Variants in CHEK1 observed in about 807,000 individuals in gnomAD.
The protein encoded by CHEK1 is serine/threonine-protein kinase Chk1.
In CHEK1, 32 loss-of-function variants were observed where a neutral mutation model predicts 60.2. The ratio of observed to expected loss-of-function variants is 0.53; its 90% confidence interval spans 0.40 to 0.71. The LOEUF (loss-of-function observed/expected upper bound fraction) is 0.71, where lower values mean the gene tolerates loss of function less well. Among genes scored for constraint, CHEK1 ranks in the 30% least tolerant of loss-of-function variants. The probability of loss-of-function intolerance (pLI) is 0.00; values close to 1 mark genes in which losing one functional copy is unlikely to be tolerated. For missense variants in CHEK1, 399 were observed against 564.6 expected (o/e 0.71, Z 2.97); for synonymous variants, 179 against 187.2 (o/e 0.96, Z 0.36).
Position 125,656,232 on chromosome 11 carries a change from T to C in CHEK1, c.*912T>C. The C allele has an allele frequency of 4.7e-6, 1 of 214,802 alleles. No individual in the cohort carries two copies. The highest frequency in any genetic ancestry group is 6.9e-5 in the East Asian group (1 of 14,432). The allele number at this position is 214,802 out of a possible 1,614,324, so 13.3% of individuals were successfully genotyped here. On this transcript the variant is annotated 3_prime_UTR_variant, in exon 13 of 13. Coordinates refer to ENST00000438015, the MANE Select transcript of CHEK1 (RefSeq NM_001114122.3). ...TTGAGGCCTTGGCTCCTGCCTGTAG[T>C]CCCAGCTACTTAGGAGGCTGAGAGA...
At chr11:125,651,668 A>G (rs968370290) in intron 11 of CHEK1, among the ~76,000 whole-genome samples, 1 of 152,054 alleles carries the variant, frequency 6.6e-6, no homozygotes, top group African/African-American at 2.4e-5. Context: ...TTCTGCTCCC[A>G]CCTGGACCTA....
At chr11:125,629,337 G>A (rs745970536) in intron 4 of CHEK1, 41 bp downstream of exon 4, 1 of 1,612,762 alleles carries the variant, frequency 6.2e-7, no homozygotes, top group East Asian at 2.2e-5. Context: ...TAAAATTAGA[G>A]TGAATACATT....
At chr11:125,640,913 G>C (rs924718276) in intron 8 of CHEK1, among the ~76,000 whole-genome samples, 3 of 152,082 alleles carry the variant, frequency 2.0e-5, no homozygotes, top group African/African-American at 7.2e-5. Context: ...ATAGGCATGA[G>C]CCACAATGCC....
chr11:125,677,866 C>G, downstream of CHEK1: 2 of 1,614,020 alleles, frequency 1.2e-6, no homozygotes, highest in Non-Finnish European at 1.7e-6. Flanking sequence ...GAAGGCTGTT[C>G]ACCCGAGGCC....
chr11:125,680,935 C>G, downstream of CHEK1: 1 of 641,972 alleles, frequency 1.6e-6, no homozygotes, highest in East Asian at 2.8e-5. Context: ...ATGGGTTGGG[C>G]TCTGAGGTTC....
At position 125,666,082 on chromosome 11, in the gene CHEK1, G is replaced by A. The variant is rs554362586; in HGVS notation, c.*28-9846G>A. Among the ~76,000 whole-genome samples the A allele has an allele frequency of 2.0e-3, 299 of 150,524 alleles. 1 individual carries two copies. Among genetic ancestry groups the A allele is most frequent in the African/African-American group, 7.0e-3 (288 of 41,118 alleles). On this transcript the variant is annotated intron_variant, in intron 13 of 13. Coordinates refer to the CHEK1 transcript ENST00000428830. ...GTTCTTTGTTTTAGTTCCTTGAGGTGCATTTTTAGGTTGTTTATTTTTTTT... is the reference window on the plus strand; with the variant it reads ...GTTCTTTGTTTTAGTTCCTTGAGGTACATTTTTAGGTTGTTTATTTTTTTT...
At position 125,656,052 on chromosome 11, in the gene CHEK1, T is replaced by C. The variant is rs1941894562; in HGVS notation, c.*732T>C. ...TATTTTAACCTTTTCAACTTACTGG[T>C]GACCAAGCTTTTAGGTGATAAAGAA... On this transcript the variant is annotated 3_prime_UTR_variant, in exon 13 of 13. Transcript: ENST00000438015. 1 of 212,430 alleles carries C rather than the reference T, an allele frequency of 4.7e-6. No homozygotes were observed. The highest frequency in any genetic ancestry group is 9.5e-6 in the Non-Finnish European group (1 of 105,086). 13.2% of individuals were successfully genotyped at this position (212,430 alleles called of 1,614,324 possible).
chr11:125,668,193 T>C (rs1384674592), intron 13 of CHEK1, among the ~76,000 whole-genome samples: 2 of 152,208 alleles, frequency 1.3e-5, no homozygotes, highest in Non-Finnish European at 2.9e-5. Flanking sequence ...AAAAAAAAGT[T>C]TTTCCCCTTG....
chr11:125,680,111 C>T (rs1238898999), downstream of CHEK1, among the ~76,000 whole-genome samples: 5 of 152,166 alleles, frequency 3.3e-5, no homozygotes, highest in Non-Finnish European at 7.3e-5. Context: ...AAAAGCAAAA[C>T]CTCTGACAGT....
intron 13 of CHEK1, among the ~76,000 whole-genome samples, chr11:125,663,083 A>G (rs767386019): frequency 6.6e-6 from 1 of 151,934 alleles, no homozygotes; most frequent in Non-Finnish European, 1.5e-5. Context: ...GAGTTTTTAA[A>G]GCTACTTATG....
chr11:125,661,824 C>T (rs1486778120), downstream of CHEK1, among the ~76,000 whole-genome samples: 1 of 151,962 alleles, frequency 6.6e-6, no homozygotes, highest in Non-Finnish European at 1.5e-5. Flanking sequence ...ATATGTGTTT[C>T]TATGTGAATA....
At chr11:125,678,095 A>C (rs1942613593), downstream of CHEK1, 1 of 1,614,090 alleles carries the variant, frequency 6.2e-7, no homozygotes, top group Non-Finnish European at 8.5e-7. Context: ...CATGTTCTCC[A>C]GAAGTGTGCT....
chr11:125,680,716 A>T, downstream of CHEK1: 1 of 1,612,204 alleles, frequency 6.2e-7, no homozygotes, highest in Non-Finnish European at 8.5e-7. Flanking sequence ...TGAAGCCTAG[A>T]TCAAACACTC....
At chr11:125,670,234 C>T (rs1241052890) in intron 13 of CHEK1, among the ~76,000 whole-genome samples, 2 of 152,036 alleles carry the variant, frequency 1.3e-5, no homozygotes, top group Non-Finnish European at 1.5e-5. Context: ...TCTGTTTATT[C>T]GTATGGCACT....
chr11:125,676,521 A>C, downstream of CHEK1: 2 of 1,612,194 alleles, frequency 1.2e-6, no homozygotes, highest in Non-Finnish European at 1.7e-6. Flanking sequence ...CTTGTGGACC[A>C]GATGTGTAGC....
Position 125,626,028 on chromosome 11 carries a change from C to T in CHEK1, c.-21+16C>T, listed in dbSNP as rs940673896. The T allele has an allele frequency of 3.7e-5, 26 of 695,452 alleles. No homozygotes were observed. The Admixed American group carries it at 4.8e-4, about 13-fold the overall frequency. 43.1% of individuals were successfully genotyped at this position (695,452 alleles called of 1,614,324 possible). A position where few individuals can be genotyped will look rare whatever the true frequency, so the allele number is the denominator to read the frequency against. On this transcript the variant is annotated intron_variant, in intron 1 of 12. Transcript: ENST00000438015. ...GGACAGTCCGGTGAGGAAGGGCGGC[C>T]GGTAGAGTAGGGAAGGTTTCTAAAG...
intron 13 of CHEK1, among the ~76,000 whole-genome samples, chr11:125,674,274 TTA>T (rs1942373020): frequency 6.6e-6 from 1 of 152,236 alleles, no homozygotes; most frequent in Admixed American, 6.5e-5. Flanking sequence ...AAAAACCATG[TTA>T]TATGCTATGC....
Position 125,626,642 on chromosome 11 carries a change from G to A in CHEK1, c.-20-107G>A, listed in dbSNP as rs932340211. On this transcript the variant is annotated intron_variant, in intron 1 of 12. Coordinates refer to ENST00000438015, the MANE Select transcript of CHEK1 (RefSeq NM_001114122.3). Reference sequence around the variant, plus strand: ...AAATGTGGATGAGATAGAAGGGGAAGGCAAGAGCTGTTAATTTTCGTGGGC... The same window carrying A: ...AAATGTGGATGAGATAGAAGGGGAAAGCAAGAGCTGTTAATTTTCGTGGGC... The A allele has an allele frequency of 1.9e-5, 17 of 893,818 alleles. No homozygotes were observed. The Admixed American group carries it at 2.5e-4, about 13-fold the overall frequency. 55.4% of individuals were successfully genotyped at this position (893,818 alleles called of 1,614,324 possible). A position where few individuals can be genotyped will look rare whatever the true frequency, so the allele number is the denominator to read the frequency against.
At chr11:125,649,108 T>C (rs1941613206) in intron 11 of CHEK1, among the ~76,000 whole-genome samples, 1 of 152,174 alleles carries the variant, frequency 6.6e-6, no homozygotes, top group African/African-American at 2.4e-5. Flanking sequence ...CCAGCTAAAT[T>C]GACAGTTTTC....
Sources: allele counts gnomAD v4.1 joint callset (sites outside exome capture counted in the v4.1 genomes callset), GRCh38; gene constraint gnomAD v4.1.1; transcripts MANE v1.5; gene names NCBI Gene and HGNC (gene_info 2026-07-23, HGNC 2026-07-21).